The following VMP1 variants were observed in gnomAD, a reference collection of about 807,000 sequenced individuals.
VMP1 encodes the protein vacuole membrane protein 1.
A neutral mutation model predicts 56.0 loss-of-function variants in VMP1; 11 were observed. The ratio of observed to expected loss-of-function variants is 0.20; its 90% CI spans 0.12 to 0.32. The LOEUF (loss-of-function observed/expected upper bound fraction) is 0.32, where lower values mean the gene tolerates loss of function less well. Among genes scored for constraint, VMP1 ranks in the 10% least tolerant of loss-of-function variants. The pLI is 1.00. For synonymous variants in VMP1, 149 were observed against 165.0 expected, an observed-to-expected ratio of 0.90 and a Z score of 0.74; for missense variants, 296 against 490.3, an observed-to-expected ratio of 0.60 and a Z score of 3.74.
chr17:59,719,786 A>G (rs2034322521), intron 1 of VMP1, among the ~76,000 whole-genome samples: 1 of 152,192 alleles, frequency 6.6e-6, no homozygotes, highest in South Asian at 2.1e-4. Context: ...GCCTACAAAG[A>G]ACCTTTGTGA....
Position 59,841,161 on chromosome 17 carries a change from C to T in VMP1, c.*1250C>T. ...GTTCGATCTTAACAGGCCAGAAATG[C>T]CTGGGTTTTTTTGGTTTGTTTTTGT... is the stretch of plus-strand genomic sequence containing the variant. On this transcript the variant is annotated 3_prime_UTR_variant, in exon 12 of 12. Transcript: ENST00000262291. 2.8e-6 allele frequency: 1 copy of T among 353,818 alleles called. No homozygotes were observed. Among genetic ancestry groups the T allele is most frequent in the South Asian group, 2.4e-5 (1 of 42,204 alleles). 21.9% of individuals were successfully genotyped at this position (353,818 alleles called of 1,614,324 possible). A position where few individuals can be genotyped will look rare whatever the true frequency, so the allele number is the denominator to read the frequency against.
At chr17:59,731,382 G>T in intron 1 of VMP1, 39 bp from the exon 2 acceptor site, 1 of 1,293,784 alleles carries the variant, frequency 7.7e-7, no homozygotes, top group South Asian at 1.4e-5. Context: ...CACAGCAGAA[G>T]TTTGTAATGT....
intron 7 of VMP1, among the ~76,000 whole-genome samples, chr17:59,777,667 A>C (rs1207074486): frequency 2.6e-5 from 4 of 152,102 alleles, no homozygotes; most frequent in African/African-American, 9.7e-5. Flanking sequence ...TAAACAAATT[A>C]GCTGGGTGTG....
chr17:59,738,008 G>A (rs1012943878), intron 4 of VMP1, among the ~76,000 whole-genome samples: 1 of 152,132 alleles, frequency 6.6e-6, no homozygotes, highest in African/African-American at 2.4e-5. Context: ...CTGACCTCAG[G>A]TGATCTGGCT....
chr17:59,777,153 G>T (rs2036644939), intron 7 of VMP1, among the ~76,000 whole-genome samples: 1 of 151,952 alleles, frequency 6.6e-6, no homozygotes, highest in Non-Finnish European at 1.5e-5. Flanking sequence ...TTGCCCTTCT[G>T]CACAGTTGCT....
At chr17:59,771,525 A>G (rs1401878109) in intron 6 of VMP1, among the ~76,000 whole-genome samples, 2 of 151,884 alleles carry the variant, frequency 1.3e-5, no homozygotes, top group Non-Finnish European at 1.5e-5. Context: ...GATCTTTATT[A>G]TACCAGTTTT....
intron 7 of VMP1, among the ~76,000 whole-genome samples, chr17:59,792,550 T>A (rs1218489010): frequency 6.6e-6 from 1 of 152,118 alleles, no homozygotes; most frequent in African/African-American, 2.4e-5. Context: ...TGATTTTTTT[T>A]ATTTCAGTTT....
intron 1 of VMP1, among the ~76,000 whole-genome samples, chr17:59,714,312 C>T (rs907235805): frequency 1.3e-5 from 2 of 151,912 alleles, no homozygotes; most frequent in Admixed American, 6.6e-5. Context: ...CCAGTCCTAC[C>T]CCCATGATAA....
intron 11 of VMP1, chr17:59,838,894 AG>A (rs1184695218): frequency 6.6e-6 from 1 of 152,658 alleles, no homozygotes; most frequent in Admixed American, 6.5e-5. Flanking sequence ...TCTGAGGCAA[AG>A]GGAAATGACT....
chr17:59,710,299 T>A (rs1349547142), intron 1 of VMP1, among the ~76,000 whole-genome samples: 1 of 152,218 alleles, frequency 6.6e-6, no homozygotes, highest in African/African-American at 2.4e-5. Flanking sequence ...AGGAGAAAAT[T>A]AAGGCTCAGA....
At chr17:59,787,425 G>A (rs1342126993) in intron 7 of VMP1, among the ~76,000 whole-genome samples, 1 of 152,204 alleles carries the variant, frequency 6.6e-6, no homozygotes, top group East Asian at 1.9e-4. Context: ...TGAATGGCCA[G>A]TGGGAAACTT....
intron 10 of VMP1, 69 bp from the exon 11 acceptor site, chr17:59,838,226 C>CT (rs1241205980): frequency 1.5e-6 from 2 of 1,324,914 alleles, no homozygotes; most frequent in African/African-American, 1.5e-5. Context: ...AGTACATTTT[C>CT]TTTAACGTTT....
At chr17:59,776,511 T>A (rs2036622198) in intron 7 of VMP1, among the ~76,000 whole-genome samples, 1 of 152,246 alleles carries the variant, frequency 6.6e-6, no homozygotes, top group Non-Finnish European at 1.5e-5. Context: ...GTATTTAATA[T>A]GACCCTTGTG....
At chr17:59,778,415 C>A in intron 7 of VMP1, among the ~76,000 whole-genome samples, 1 of 151,688 alleles carries the variant, frequency 6.6e-6, no homozygotes, top group South Asian at 2.1e-4. Flanking sequence ...TGGTAGCGGG[C>A]GCCTGTAGTC....
chr17:59,773,636 C>T (rs2036517255), intron 6 of VMP1, 118 bp from the exon 7 acceptor site: 3 of 982,472 alleles, frequency 3.1e-6, no homozygotes, highest in South Asian at 2.0e-5. Flanking sequence ...CATATGCTTT[C>T]CCCCAATATA....
chr17:59,750,217 A>G (rs562472269), intron 5 of VMP1, among the ~76,000 whole-genome samples: 46 of 152,234 alleles, frequency 3.0e-4, no homozygotes, highest in African/African-American at 1.0e-3. Context: ...AAATAAGTGC[A>G]TGTACTTCTT....
chr17:59,802,053 T>G (rs916204134), intron 7 of VMP1, among the ~76,000 whole-genome samples: 1 of 151,648 alleles, frequency 6.6e-6, no homozygotes, highest in Non-Finnish European at 1.5e-5. Flanking sequence ...ATACAAAAAT[T>G]AGCTGGGCAT....
chr17:59,783,159 G>C (rs1180687908), intron 7 of VMP1, among the ~76,000 whole-genome samples: 1 of 152,138 alleles, frequency 6.6e-6, no homozygotes, highest in Non-Finnish European at 1.5e-5. Context: ...TCGCGCCACT[G>C]CAATCCAGCC....
At chr17:59,745,147 C>T (rs1206921371) in intron 5 of VMP1, among the ~76,000 whole-genome samples, 1 of 152,130 alleles carries the variant, frequency 6.6e-6, no homozygotes, top group Admixed American at 6.5e-5. Context: ...ATATTATTTG[C>T]TTTGACCAAT....
Sources: gnomAD v4.1 joint callset for allele counts (sites outside exome capture counted in the v4.1 genomes callset) on GRCh38, gnomAD v4.1.1 for gene constraint, MANE v1.5 for transcripts, NCBI Gene and HGNC (gene_info 2026-07-23, HGNC 2026-07-21) for gene names.